Variants in VTI1A observed in about 807,000 individuals in gnomAD.
VTI1A encodes the protein vesicle transport through interaction with t-SNAREs homolog 1A.
A neutral mutation model predicts 34.9 loss-of-function variants in VTI1A; 22 were observed. The observed-to-expected ratio is 0.63, with a 90% CI of 0.45 to 0.90. VTI1A has a LOEUF of 0.90. Among genes scored for constraint, VTI1A ranks in the 40% least tolerant of loss-of-function variants. The pLI, the probability that VTI1A is intolerant of heterozygous loss-of-function variation, is 0.00. For missense variants in VTI1A, 268 were observed against 275.6 expected, an observed-to-expected ratio of 0.97 and a Z score of 0.20; for synonymous variants, 87 against 97.3, an observed-to-expected ratio of 0.89 and a Z score of 0.62.
At chr10:112,792,276 C>CAAAA (rs1852508879) in intron 7 of VTI1A, among the ~76,000 whole-genome samples, 1 of 152,106 alleles carries the variant, frequency 6.6e-6, no homozygotes, top group Non-Finnish European at 1.5e-5. Context: ...GAATCCATCT[C>CAAAA]AAAACAAACA....
intron 7 of VTI1A, among the ~76,000 whole-genome samples, chr10:112,781,503 G>A (rs998619609): frequency 1.4e-4 from 21 of 152,174 alleles, no homozygotes; most frequent in African/African-American, 4.1e-4. Flanking sequence ...ATTCCTCTAC[G>A]GGGCTGTCTT....
intron 1 of VTI1A, among the ~76,000 whole-genome samples, chr10:112,456,298 T>C (rs943292126): frequency 5.3e-5 from 8 of 152,006 alleles, no homozygotes; most frequent in African/African-American, 1.7e-4. Context: ...GGCGCATGCC[T>C]GTAGTCCTAG....
At chr10:112,847,560 G>A in the VTI1A span, among the ~76,000 whole-genome samples, 1 of 152,182 alleles carries the variant, frequency 6.6e-6, no homozygotes, top group African/African-American at 2.4e-5. Context: ...AGGATTACAA[G>A]AGCCACTGAA....
In VTI1A at chr10:112,447,303, G is replaced by A; in HGVS notation, c.-71G>A. The A allele has an allele frequency of 6.6e-7, 1 of 1,525,838 alleles. No individual in the cohort carries two copies. Among genetic ancestry groups the A allele is most frequent in the Admixed American group, 1.9e-5 (1 of 52,416 alleles). 94.5% of individuals were successfully genotyped at this position (1,525,838 alleles called of 1,614,324 possible). A position where few individuals can be genotyped will look rare whatever the true frequency, so the allele number is the denominator to read the frequency against. On this transcript the variant is annotated 5_prime_UTR_variant, in exon 1 of 8. Transcript: ENST00000393077. ...CCTTCCGGGGTTCCTAAGCCGCGGGGCCCCTCGCTGCCCCTCGAGGCCCTT... is the reference window on the plus strand; with the variant it reads ...CCTTCCGGGGTTCCTAAGCCGCGGGACCCCTCGCTGCCCCTCGAGGCCCTT...
chr10:112,721,752 G>T (rs554537956), intron 7 of VTI1A, among the ~76,000 whole-genome samples: 1 of 152,262 alleles, frequency 6.6e-6, no homozygotes, highest in Admixed American at 6.5e-5. Context: ...ACAGAGCTAT[G>T]AACAAGTAGA....
chr10:112,778,693 C>T (rs1363831915), intron 7 of VTI1A, among the ~76,000 whole-genome samples: 1 of 58,424 alleles, frequency 1.7e-5, no homozygotes, highest in Admixed American at 2.1e-4. Flanking sequence ...AGCAGTCCTC[C>T]AGGAAAAAAT....
chr10:112,621,556 G>A (rs988837840), intron 5 of VTI1A, among the ~76,000 whole-genome samples: 2 of 152,146 alleles, frequency 1.3e-5, no homozygotes, highest in Non-Finnish European at 2.9e-5. Context: ...CACAAGCCAA[G>A]AAAAGAGCAA....
At chr10:112,721,622 C>A (rs1849809318) in intron 7 of VTI1A, among the ~76,000 whole-genome samples, 1 of 152,178 alleles carries the variant, frequency 6.6e-6, no homozygotes, top group Non-Finnish European at 1.5e-5. Context: ...CAAAACAAGT[C>A]TCTTGGCTCC....
rs1012484109 is a variant in VTI1A, at chr10:112,817,288, A to T, written c.*1905A>T. The T allele has an allele frequency of 4.3e-6, 1 of 232,014 alleles. No individual in the cohort carries two copies. The highest frequency in any genetic ancestry group is 1.8e-4 in the South Asian group (1 of 5,522). 14.4% of individuals were successfully genotyped at this position (232,014 alleles called of 1,614,324 possible). A position where few individuals can be genotyped will look rare whatever the true frequency, so the allele number is the denominator to read the frequency against. ...ACTTCGCACGGCCATCCCGTCCACAATGCAGCAGACTCTTCCCAAGGCCAC... is the reference window on the plus strand; with the variant it reads ...ACTTCGCACGGCCATCCCGTCCACATTGCAGCAGACTCTTCCCAAGGCCAC... On this transcript the variant is annotated 3_prime_UTR_variant, in exon 8 of 8. Transcript: ENST00000393077.
intron 7 of VTI1A, among the ~76,000 whole-genome samples, chr10:112,792,173 G>C (rs189258752): frequency 1.8e-3 from 272 of 152,248 alleles, no homozygotes; most frequent in African/African-American, 5.9e-3. Flanking sequence ...TACTCAGGAG[G>C]CTGAGGCAGG....
chr10:112,707,146 G>A (rs1284094021), intron 7 of VTI1A, among the ~76,000 whole-genome samples: 2 of 151,982 alleles, frequency 1.3e-5, no homozygotes, highest in African/African-American at 4.8e-5. Context: ...GGGGTTTTTT[G>A]TGGCGCGGGG....
chr10:112,527,831 C>T (rs1329559118), intron 4 of VTI1A, among the ~76,000 whole-genome samples: 1 of 151,998 alleles, frequency 6.6e-6, no homozygotes, highest in Non-Finnish European at 1.5e-5. Flanking sequence ...GCTGTCGGTT[C>T]TCATTGGATC....
At chr10:112,787,208 C>A (rs918949582) in intron 7 of VTI1A, among the ~76,000 whole-genome samples, 10 of 152,050 alleles carry the variant, frequency 6.6e-5, no homozygotes, top group East Asian at 1.9e-4. Flanking sequence ...TCAGAATATT[C>A]CCTTGTAATC....
intron 5 of VTI1A, among the ~76,000 whole-genome samples, chr10:112,594,203 G>A (rs892888616): frequency 6.6e-5 from 10 of 152,088 alleles, no homozygotes; most frequent in African/African-American, 1.7e-4. Flanking sequence ...CACTGCGCCC[G>A]GCCGGTCTCC....
chr10:112,456,762 C>T (rs560250518), intron 1 of VTI1A, among the ~76,000 whole-genome samples: 1 of 152,244 alleles, frequency 6.6e-6, no homozygotes, highest in South Asian at 2.1e-4. Flanking sequence ...AACATATTAC[C>T]TAAGCAAGGA....
downstream of VTI1A, among the ~76,000 whole-genome samples, chr10:112,819,644 G>C (rs775633370): frequency 2.6e-5 from 4 of 152,136 alleles, no homozygotes; most frequent in East Asian, 5.8e-4. Context: ...TGGGCCTTCT[G>C]TCCTTTTTCC....
chr10:112,720,166 T>C (rs1265596442), intron 7 of VTI1A, among the ~76,000 whole-genome samples: 2 of 152,272 alleles, frequency 1.3e-5, no homozygotes, highest in South Asian at 4.1e-4. Flanking sequence ...AATGCTGTCA[T>C]GGACATTTAT....
intron 7 of VTI1A, among the ~76,000 whole-genome samples, chr10:112,680,075 G>A (rs553598307): frequency 5.3e-5 from 8 of 152,254 alleles, no homozygotes; most frequent in Admixed American, 2.6e-4. Flanking sequence ...GTCCAGTTTC[G>A]TAGCTAAATA....
chr10:112,465,331 T>C (rs1175467952), intron 3 of VTI1A, among the ~76,000 whole-genome samples: 1 of 151,658 alleles, frequency 6.6e-6, no homozygotes, highest in Non-Finnish European at 1.5e-5. Flanking sequence ...GTAGAAAAGA[T>C]ACAGCTGAGT....
Sources: allele counts gnomAD v4.1 joint callset (sites outside exome capture counted in the v4.1 genomes callset), GRCh38; gene constraint gnomAD v4.1.1; transcripts MANE v1.5; gene names NCBI Gene and HGNC (gene_info 2026-07-23, HGNC 2026-07-21).